RPL21: variants seen among roughly 807,000 people sequenced by gnomAD.
The protein encoded by RPL21 is large ribosomal subunit protein eL21.
A neutral mutation model predicts 21.2 loss-of-function variants in RPL21; 1 was observed. The ratio of observed to expected loss-of-function variants is 0.05; its 90% CI spans 0.02 to 0.22. The LOEUF (loss-of-function observed/expected upper bound fraction) is 0.22. Among genes scored for constraint, RPL21 ranks in the 10% least tolerant of loss-of-function variants. The pLI is 1.00. For missense variants in RPL21, 113 were observed against 199.4 expected (o/e 0.57, Z 2.61); for synonymous variants, 52 against 62.9 (o/e 0.83, Z 0.82).
intron 1 of RPL21, among the ~76,000 whole-genome samples, chr13:27,253,441 T>A (rs937152636): frequency 3.3e-5 from 5 of 152,224 alleles, no homozygotes; most frequent in Non-Finnish European, 5.9e-5. Context: ...CTTGGCATTC[T>A]AAATTGGGTT....
At chr13:27,253,129 A>G (rs935987861) in intron 1 of RPL21, among the ~76,000 whole-genome samples, 1 of 152,224 alleles carries the variant, frequency 6.6e-6, no homozygotes, top group Non-Finnish European at 1.5e-5. Context: ...GTTCACCCCT[A>G]TTTTACAAAT....
rs1881899921 is a variant in RPL21, at chr13:27,256,350, A to G, written c.393+16A>G. 1.9e-6 allele frequency: 3 copies of G among 1,608,438 alleles called. No homozygotes were observed. Among genetic ancestry groups the G allele is most frequent in the African/African-American group, 1.3e-5 (1 of 74,804 alleles). ...AAAGCGCCAGGTAAGAATTTGGTGT[A>G]TATTTCATTGGTTCTGAGAGCACTT... On this transcript the variant is annotated intron_variant, in intron 5 of 5. Coordinates refer to ENST00000311549, the MANE Select transcript of RPL21 (RefSeq NM_000982.4).
chr13:27,252,222 G>T (rs1881684751), intron 1 of RPL21, among the ~76,000 whole-genome samples: 1 of 152,152 alleles, frequency 6.6e-6, no homozygotes, highest in African/African-American at 2.4e-5. Context: ...CCCACATGGT[G>T]ATCGGACGAA....
Position 27,256,450 on chromosome 13 carries a change from A to G in RPL21, c.408A>G (p.Arg136=). 3 of 1,579,932 alleles carry G rather than the reference A, an allele frequency of 1.9e-6. No homozygotes were observed. The highest frequency in any genetic ancestry group is 2.6e-6 in the Non-Finnish European group (3 of 1,149,136). ...TCCTTTAATAGCCTGCTCCACCCAG[A>G]GAAGCACACTTTGTGAGAACCAATG... ...VQLKRQPAPP[R]EAHFVRTNGK... is the part of the protein sequence containing the mutation. Residue 136 remains arginine, a synonymous_variant, in exon 6 of 6, where the codon AGA becomes AGG. Coordinates refer to ENST00000311549, the MANE Select transcript of RPL21 (RefSeq NM_000982.4).
At position 27,253,857 on chromosome 13, in the gene RPL21, C is replaced by T. The variant is rs372493913; in HGVS notation, c.67+14C>T. On this transcript the variant is annotated intron_variant, in intron 2 of 5. Coordinates refer to ENST00000311549, the MANE Select transcript of RPL21 (RefSeq NM_000982.4). The stretch of plus-strand genomic sequence containing the variant: ...TTAGAAAACATGGTAAGTAGGTTTA[C>T]CTTCCTTGAGAGAAGCATGGCACAC... 7.4e-6 allele frequency: 11 copies of T among 1,490,068 alleles called. No individual in the cohort carries two copies. In the African/African-American group the frequency reaches 1.1e-4, roughly 15 times the overall value. 92.3% of individuals were successfully genotyped at this position (1,490,068 alleles called of 1,614,324 possible).
At chr13:27,252,156 C>T (rs1290912550) in intron 1 of RPL21, among the ~76,000 whole-genome samples, 1 of 152,146 alleles carries the variant, frequency 6.6e-6, no homozygotes, top group South Asian at 2.1e-4. Flanking sequence ...GTGATGAACC[C>T]TCACTGCCCT....
intron 4 of RPL21, 162 bp downstream of exon 4, chr13:27,255,516 A>AG (rs773230555): frequency 1.3e-6 from 1 of 761,642 alleles, no homozygotes; most frequent in Non-Finnish European, 2.4e-6. Context: ...ATCCTGTCAG[A>AG]GGAAACAAAT....
chr13:27,255,676 A>G, intron 4 of RPL21: 1 of 406,120 alleles, frequency 2.5e-6, no homozygotes, highest in South Asian at 1.9e-5. Context: ...GGTTCACGCC[A>G]TTCTCCTGCC....
At chr13:27,256,078 G>A (rs1248723348) in intron 4 of RPL21, 106 bp from the exon 5 acceptor site, 2 of 839,748 alleles carry the variant, frequency 2.4e-6, no homozygotes, top group East Asian at 2.7e-5. Flanking sequence ...GTCATATCTG[G>A]GTAAAAGGTT....
At chr13:27,252,420 A>G (rs1459386778) in intron 1 of RPL21, among the ~76,000 whole-genome samples, 10 of 152,188 alleles carry the variant, frequency 6.6e-5, no homozygotes, top group Admixed American at 6.5e-4. Context: ...CCTAGTTGCC[A>G]TGATTTTAAT....
intron 2 of RPL21, 73 bp from the exon 3 acceptor site, chr13:27,254,147 G>C: frequency 1.1e-6 from 1 of 916,696 alleles, no homozygotes; most frequent in African/African-American, 1.6e-5. Flanking sequence ...TGTGTTAAAA[G>C]CTAGTAAAAT....
chr13:27,256,462 T>C lies in RPL21; in HGVS notation c.420T>C (p.Phe140=), dbSNP rs753964710. Reference sequence around the variant, plus strand: ...CTGCTCCACCCAGAGAAGCACACTTTGTGAGAACCAATGGGAAGGAGCCTG... The same window carrying C: ...CTGCTCCACCCAGAGAAGCACACTTCGTGAGAACCAATGGGAAGGAGCCTG... The part of the protein sequence containing the change: ...RQPAPPREAH[F]VRTNGKEPEL... Residue 140 remains phenylalanine (F), a synonymous_variant, in exon 6 of 6, where the codon TTT becomes TTC. Transcript: ENST00000311549. 1 of 1,580,576 alleles carries C rather than the reference T, an allele frequency of 6.3e-7. No homozygotes were observed. Among genetic ancestry groups the C allele is most frequent in the Non-Finnish European group, 8.7e-7 (1 of 1,149,718 alleles).
chr13:27,253,229 CCT>C (rs368698160), intron 1 of RPL21, among the ~76,000 whole-genome samples: 171 of 152,292 alleles, frequency 1.1e-3, no homozygotes, highest in African/African-American at 3.8e-3. Flanking sequence ...CCTGGGTTCC[CCT>C]CTCTTCTACC....
chr13:27,253,200 T>A (rs1881730422), intron 1 of RPL21, among the ~76,000 whole-genome samples: 1 of 152,184 alleles, frequency 6.6e-6, no homozygotes, highest in Non-Finnish European at 1.5e-5. Context: ...ATGTCAAATT[T>A]AGGTCAATGA....
chr13:27,256,277 T>C lies in RPL21; in HGVS notation c.336T>C (p.Asn112=), dbSNP rs1421035607. 5.0e-6 allele frequency: 8 copies of C among 1,602,644 alleles called. No homozygotes were observed. The highest frequency in any genetic ancestry group is 1.3e-5 in the African/African-American group (1 of 74,228). The change falls in exon 5 of 6, where the codon AAT becomes AAC. Residue 112 remains asparagine (N), a synonymous_variant. Coordinates refer to ENST00000311549, the MANE Select transcript of RPL21 (RefSeq NM_000982.4). ...RDSFLKRVKE[N]DQKKKEAKEK... is the part of the protein sequence containing the mutation. ...GCTTCCTGAAACGTGTGAAGGAAAA[T>C]GATCAGAAAAAGAAAGAAGCCAAAG...
At chr13:27,253,920 A>G in intron 2 of RPL21, 77 bp downstream of exon 2, 1 of 875,778 alleles carries the variant, frequency 1.1e-6, no homozygotes, top group South Asian at 1.3e-5. Flanking sequence ...GTTGTAGTTC[A>G]TAGAATGTGT....
chr13:27,252,110 C>T (rs1340805937), intron 1 of RPL21, among the ~76,000 whole-genome samples: 1 of 152,144 alleles, frequency 6.6e-6, no homozygotes, highest in South Asian at 2.1e-4. Flanking sequence ...AAAACCCGGG[C>T]TCTCGGTCGG....
rs1425160631 is a variant in RPL21 at position 27,256,103 on chromosome 13, TAAATG to T, written c.243-77_243-73del. 16 of 1,053,250 alleles carry T rather than the reference TAAATG, an allele frequency of 1.5e-5. No individual in the cohort carries two copies. In the East Asian group the frequency reaches 4.1e-4, roughly 27 times the overall value. 65.2% of individuals were successfully genotyped at this position (1,053,250 alleles called of 1,614,324 possible). A position where few individuals can be genotyped will look rare whatever the true frequency, so the allele number is the denominator to read the frequency against. ...GGTAAAAGGTTTATGGTTTATTTAATAAATGAAACTGCAAAATCAGTTTTCTACAT... is the reference window on the plus strand; with the variant it reads ...GGTAAAAGGTTTATGGTTTATTTAATAAACTGCAAAATCAGTTTTCTACAT... On this transcript the variant is annotated intron_variant, in intron 4 of 5. Transcript: ENST00000311549.
chr13:27,253,717 A>G (rs1215863677), intron 1 of RPL21, 48 bp from the exon 2 acceptor site: 21 of 1,041,180 alleles, frequency 2.0e-5, no homozygotes, highest in Non-Finnish European at 2.7e-5. Flanking sequence ...GGTTTGGGGC[A>G]AATGCCAGTT....
Sources: allele counts gnomAD v4.1 joint callset (sites outside exome capture counted in the v4.1 genomes callset), GRCh38; gene constraint gnomAD v4.1.1; transcripts MANE v1.5; gene names NCBI Gene and HGNC (gene_info 2026-07-23, HGNC 2026-07-21).